Variants in NID1 observed in about 807,000 individuals in gnomAD.
The protein encoded by NID1 is nidogen 1.
A neutral mutation model predicts 130.6 loss-of-function variants in NID1; 76 were observed. The observed-to-expected ratio is 0.58, with a 90% confidence interval of 0.48 to 0.70. NID1 has a LOEUF of 0.70. NID1 is among the 30% of genes least tolerant of loss of function. The pLI is 0.00. For missense variants in NID1, 1,517 were observed against 1,664.8 expected, an observed-to-expected ratio of 0.91 and a Z score of 1.54; for synonymous variants, 665 against 675.1, an observed-to-expected ratio of 0.98 and a Z score of 0.23.
chr1:236,029,833 G>A, intron 6 of NID1, 83 bp from the exon 7 acceptor site: 2 of 1,378,344 alleles, frequency 1.5e-6, no homozygotes, highest in Non-Finnish European at 1.0e-6. Flanking sequence ...GTGGAGTGGG[G>A]TTGGTGCGAA....
At chr1:235,992,792 G>A (rs940075249) in intron 13 of NID1, among the ~76,000 whole-genome samples, 1 of 152,152 alleles carries the variant, frequency 6.6e-6, no homozygotes, top group Non-Finnish European at 1.5e-5. Flanking sequence ...TAGCAGCTTC[G>A]GGGAAATATT....
chr1:236,010,025 C>CA (rs1404137280), intron 12 of NID1, among the ~76,000 whole-genome samples: 2 of 151,800 alleles, frequency 1.3e-5, no homozygotes, highest in East Asian at 1.9e-4. Context: ...GTTAAAAAAA[C>CA]AAAAAAACAA....
chr1:236,025,766 T>G (rs535846644), intron 8 of NID1, 130 bp downstream of exon 8: 17 of 1,290,366 alleles, frequency 1.3e-5, no homozygotes, highest in Admixed American at 2.3e-5. Flanking sequence ...CATTCTTTTT[T>G]TCCTGCCAGA....
chr1:236,010,760 A>G (rs1003649481), intron 12 of NID1, among the ~76,000 whole-genome samples: 1 of 152,278 alleles, frequency 6.6e-6, no homozygotes, highest in Non-Finnish European at 1.5e-5. Context: ...CCCATGGGCC[A>G]TAGTTTGCTA....
At chr1:236,031,097 G>A (rs189421093) in intron 6 of NID1, among the ~76,000 whole-genome samples, 5 of 152,052 alleles carry the variant, frequency 3.3e-5, no homozygotes, top group African/African-American at 4.8e-5. Context: ...TTTTGAGCAG[G>A]TTCAATCCTT....
intron 1 of NID1, among the ~76,000 whole-genome samples, chr1:236,052,666 G>A (rs1305346887): frequency 1.3e-5 from 2 of 152,176 alleles, no homozygotes; most frequent in African/African-American, 4.8e-5. Context: ...TTCTCCCCAT[G>A]TCTGCATGGC....
At position 235,990,950 on chromosome 1, in the gene NID1, T is replaced by C. The variant is rs1025791095; in HGVS notation, c.2864A>G (p.Glu955Gly). 11 of 1,614,088 alleles carry C rather than the reference T, an allele frequency of 6.8e-6. No homozygotes were observed. The highest frequency in any genetic ancestry group is 9.3e-6 in the Non-Finnish European group (11 of 1,180,002). Residue 955 changes from glutamate to glycine, a missense_variant, in exon 14 of 20, where the codon GAG (glutamate) becomes GGG (glycine). Around this residue, in one of 3 missense-constraint regions of NID1, gnomAD observed 1,329 missense variants for 1,429.2 expected, o/e 0.93. Transcript: ENST00000264187. ...HLLFAQTGKI[E>G]RLPLEGNTMR... ...GGTATTTCCCTCCAGGGGCAGGCGC[T>C]CAATCTTCCCAGTCTGGGCAAAGAG...
chr1:236,024,448 G>A (rs1388390509), intron 8 of NID1, among the ~76,000 whole-genome samples: 1 of 152,194 alleles, frequency 6.6e-6, no homozygotes, highest in Non-Finnish European at 1.5e-5. Context: ...ATTTATGTAT[G>A]GTCTATGGCT....
chr1:236,064,125 G>A (rs980991192), intron 1 of NID1, among the ~76,000 whole-genome samples: 1 of 152,208 alleles, frequency 6.6e-6, no homozygotes, highest in Non-Finnish European at 1.5e-5. Flanking sequence ...GAGGAAGGCA[G>A]CGGCACGAAA....
At position 235,979,951 on chromosome 1, in the gene NID1, T is replaced by C; in HGVS notation, c.3386-6A>G. Reference sequence around the variant, plus strand: ...GCATTCCGCCCGATTGGTGCCTGTGTGGAGTGGAAACAATTCATTCATTGT... The same window carrying C: ...GCATTCCGCCCGATTGGTGCCTGTGCGGAGTGGAAACAATTCATTCATTGT... On this transcript the variant is annotated splice_region_variant and splice_polypyrimidine_tract_variant and intron_variant, in intron 17 of 19. Transcript: ENST00000264187. The surrounding 1 kb of genome is among the most constrained non-coding windows in gnomAD (Gnocchi z 4.6). 6.2e-7 allele frequency: 1 copy of C among 1,613,792 alleles called. No homozygotes were observed. The highest frequency in any genetic ancestry group is 8.5e-7 in the Non-Finnish European group (1 of 1,179,818).
rs1558428635 is a variant in NID1, at chr1:236,003,110, AGTTGTCACTCCTAGTGAACGACTG to A, written c.2527+8787_2527+8810del. Among the ~76,000 whole-genome samples, 167 of 148,514 alleles carry A rather than the reference AGTTGTCACTCCTAGTGAACGACTG, an allele frequency of 1.1e-3. 19 individuals are homozygous for A. Among genetic ancestry groups the A allele is most frequent in the African/African-American group, 2.0e-3 (83 of 40,526 alleles). ...TTGTCACTCCTAGTGAACGACTGGT[AGTTGTCACTCCTAGTGAACGACTG>A]GTAGTTGTCACTCCTAGTGAACGAC... On this transcript the variant is annotated intron_variant, in intron 12 of 19. Transcript: ENST00000264187.
At chr1:236,011,385 C>T (rs1415404986) in intron 12 of NID1, among the ~76,000 whole-genome samples, 2 of 151,334 alleles carry the variant, frequency 1.3e-5, no homozygotes, top group African/African-American at 4.9e-5. Context: ...TCACTGCAAC[C>T]TCTGCCTCCC....
chr1:236,053,355 T>G (rs1243552530), intron 1 of NID1, among the ~76,000 whole-genome samples: 1 of 152,210 alleles, frequency 6.6e-6, no homozygotes, highest in East Asian at 1.9e-4. Flanking sequence ...TATGCATGTT[T>G]AGCTTGAAGC....
chr1:236,002,537 A>C (rs1658107881), intron 12 of NID1, among the ~76,000 whole-genome samples: 1 of 152,128 alleles, frequency 6.6e-6, no homozygotes, highest in South Asian at 2.1e-4. Flanking sequence ...CAAACAAAAA[A>C]TGACGATAAA....
intron 7 of NID1, 53 bp from the exon 8 acceptor site, chr1:236,026,194 G>A (rs1002489816): frequency 1.3e-6 from 2 of 1,598,872 alleles, no homozygotes; most frequent in Non-Finnish European, 8.5e-7. Flanking sequence ...AGGGAAGATG[G>A]TTAAGGATGC....
At chr1:236,006,039 G>A (rs1375792039) in intron 12 of NID1, among the ~76,000 whole-genome samples, 1 of 152,154 alleles carries the variant, frequency 6.6e-6, no homozygotes, top group Non-Finnish European at 1.5e-5. Flanking sequence ...TCACTCACTT[G>A]CTTTATTTTT....
intron 14 of NID1, 106 bp from the exon 15 acceptor site, chr1:235,985,611 C>T: frequency 1.5e-6 from 2 of 1,327,430 alleles, no homozygotes; most frequent in Non-Finnish European, 2.1e-6. Flanking sequence ...AATGAAGTGT[C>T]AAGTGTTTTG....
Position 236,045,585 on chromosome 1 carries a change from T to C in NID1, c.624A>G (p.Ser208=). 1.9e-6 allele frequency: 3 copies of C among 1,614,140 alleles called. No individual in the cohort carries two copies. Among genetic ancestry groups the C allele is most frequent in the Non-Finnish European group, 1.7e-6 (2 of 1,180,026 alleles). The change falls in exon 3 of 20, where the codon TCA becomes TCG. Residue 208 remains serine (S), a synonymous_variant. Transcript: ENST00000264187. ...CAGGAACTTGGTTGTTTTCCTTCTT[T>C]GAGAATGTCGTATGGAACTGCAGAC... ...EDGLQFHTTF[S]KKENNQVPAV...
At chr1:236,016,042 G>A (rs975993749) in intron 10 of NID1, among the ~76,000 whole-genome samples, 5 of 152,058 alleles carry the variant, frequency 3.3e-5, no homozygotes, top group Admixed American at 6.6e-5. Context: ...AGCTTGAGCC[G>A]AAGTGTAATG....
Sources: allele counts gnomAD v4.1 joint callset (sites outside exome capture counted in the v4.1 genomes callset), GRCh38; gene constraint gnomAD v4.1.1; regional missense constraint gnomAD v4.1.1; non-coding constraint Gnocchi (gnomAD v3.1); transcripts MANE v1.5; gene names NCBI Gene and HGNC (gene_info 2026-07-23, HGNC 2026-07-21).